The following USP48 variants were observed in gnomAD, a reference collection of about 807,000 sequenced individuals.
USP48 encodes ubiquitin carboxyl-terminal hydrolase 48.
In USP48, 43 loss-of-function variants were observed where a neutral mutation model predicts 150.7. That is an observed-to-expected ratio of 0.29 (90% CI 0.22 to 0.37). The LOEUF is 0.37. Ranked by LOEUF, USP48 falls within the 10% of genes least tolerant of loss-of-function variation. The probability of loss-of-function intolerance (pLI) is 1.00; values close to 1 mark genes in which losing one functional copy is unlikely to be tolerated. For synonymous variants in USP48, 396 were observed against 425.9 expected, an observed-to-expected ratio of 0.93 and a Z score of 0.86; for missense variants, 813 against 1,249.6, an observed-to-expected ratio of 0.65 and a Z score of 5.27.
intron 1 of USP48, among the ~76,000 whole-genome samples, chr1:21,764,807 G>A (rs1244541421): frequency 6.6e-6 from 1 of 151,358 alleles, no homozygotes; most frequent in African/African-American, 2.4e-5. Context: ...TCCCCTCCCA[G>A]AGGTCAGACT....
intron 1 of USP48, among the ~76,000 whole-genome samples, chr1:21,765,391 G>A (rs147364594): frequency 1.5e-3 from 227 of 152,194 alleles, no homozygotes; most frequent in African/African-American, 4.9e-3. Flanking sequence ...CGAGGCAGGC[G>A]GATCACTTGA....
intron 12 of USP48, among the ~76,000 whole-genome samples, chr1:21,723,328 T>C (rs985422273): frequency 2.5e-4 from 38 of 152,168 alleles, no homozygotes; most frequent in African/African-American, 8.7e-4. Context: ...GAGACCAGCC[T>C]GGGCAACACA....
At chr1:21,744,791 AAAAAAAAAAAAT>A (rs1435491111) in intron 8 of USP48, among the ~76,000 whole-genome samples, 1 of 150,832 alleles carries the variant, frequency 6.6e-6, no homozygotes, top group Non-Finnish European at 1.5e-5. Context: ...AAAAAAAAAA[AAAAAAAAAAAAT>A]GCTAAGCTTT....
At chr1:21,762,865 C>CAAAA (rs34834573) in intron 1 of USP48, among the ~76,000 whole-genome samples, 4 of 76,332 alleles carry the variant, frequency 5.2e-5, no homozygotes, top group African/African-American at 1.4e-4. Flanking sequence ...GACTTCATCT[C>CAAAA]AAAAAAAAAA....
chr1:21,780,738 ATTTTTTTTTT>A (rs34071636), intron 1 of USP48, among the ~76,000 whole-genome samples: 1 of 117,452 alleles, frequency 8.5e-6, no homozygotes, highest in East Asian at 2.5e-4. Context: ...AGATAAGATA[ATTTTTTTTTT>A]TTTTTTTTTT....
chr1:21,718,908 G>T (rs1291742813), intron 14 of USP48, among the ~76,000 whole-genome samples: 1 of 152,032 alleles, frequency 6.6e-6, no homozygotes, highest in Non-Finnish European at 1.5e-5. Context: ...CAAATGACAG[G>T]ATACTAGAAC....
chr1:21,752,123 T>A (rs559782479), intron 5 of USP48, among the ~76,000 whole-genome samples: 34 of 152,204 alleles, frequency 2.2e-4, no homozygotes, highest in Non-Finnish European at 4.1e-4. Flanking sequence ...AAGTGCAGTT[T>A]TGTTACATGA....
At chr1:21,734,160 G>A (rs2097763460) in intron 9 of USP48, among the ~76,000 whole-genome samples, 1 of 152,168 alleles carries the variant, frequency 6.6e-6, no homozygotes, top group Non-Finnish European at 1.5e-5. Flanking sequence ...ACACTTTTGG[G>A]AGGCCAAGTG....
chr1:21,742,270 T>C (rs534552286), intron 8 of USP48, among the ~76,000 whole-genome samples: 2 of 152,054 alleles, frequency 1.3e-5, no homozygotes, highest in African/African-American at 2.4e-5. Context: ...CTGGGCACAG[T>C]GGCTCATTCA....
chr1:21,742,530 C>A (rs953907298), intron 8 of USP48, among the ~76,000 whole-genome samples: 2 of 134,698 alleles, frequency 1.5e-5, no homozygotes, highest in Non-Finnish European at 3.1e-5. Flanking sequence ...GGTGACAGAG[C>A]GAGACTCTAT....
chr1:21,777,075 A>G (rs942090061), intron 1 of USP48, among the ~76,000 whole-genome samples: 4 of 151,972 alleles, frequency 2.6e-5, no homozygotes, highest in African/African-American at 9.7e-5. Flanking sequence ...AGATTGCGCC[A>G]CTACACTCAG....
At chr1:21,774,234 G>A (rs1267962939) in intron 1 of USP48, among the ~76,000 whole-genome samples, 1 of 149,302 alleles carries the variant, frequency 6.7e-6, no homozygotes, top group Non-Finnish European at 1.5e-5. Context: ...AGGCAGGTAT[G>A]TATTTGGGGC....
chr1:21,740,775 A>G (rs2097779789), intron 8 of USP48, among the ~76,000 whole-genome samples: 1 of 152,250 alleles, frequency 6.6e-6, no homozygotes, highest in African/African-American at 2.4e-5. Context: ...AAAGAAATAA[A>G]TGATGAAATT....
rs965366310 is a variant in USP48, at chr1:21,725,206, C to T, written c.1451-1111G>A. On this transcript the variant is annotated intron_variant, in intron 11 of 26. Coordinates refer to ENST00000308271, the MANE Select transcript of USP48 (RefSeq NM_032236.8). ...CGAATGTGGCTCCAGAGGAAGAGCA[C>T]AGGACTGTGAGTCGAGGTCACGGTC... is the stretch of plus-strand genomic sequence containing the variant. 11 of 152,208 alleles carry T rather than the reference C, an allele frequency of 7.2e-5. 1 individual carries two copies. Among genetic ancestry groups the T allele is most frequent in the Admixed American group, 5.9e-4 (9 of 15,274 alleles). 9.4% of individuals were successfully genotyped at this position (152,208 alleles called of 1,614,324 possible).
chr1:21,740,695 C>A (rs1243765122), intron 8 of USP48, among the ~76,000 whole-genome samples: 3 of 152,118 alleles, frequency 2.0e-5, no homozygotes, highest in African/African-American at 7.2e-5. Flanking sequence ...GCAACAAAAT[C>A]AAACTGGTGA....
intron 15 of USP48, among the ~76,000 whole-genome samples, chr1:21,710,203 C>A (rs1284771434): frequency 6.6e-6 from 1 of 151,944 alleles, no homozygotes; most frequent in African/African-American, 2.4e-5. Flanking sequence ...CAATACCTCC[C>A]AAAACAAGAT....
intron 1 of USP48, among the ~76,000 whole-genome samples, chr1:21,765,490 G>A (rs1382106297): frequency 1.3e-5 from 2 of 151,960 alleles, no homozygotes; most frequent in Admixed American, 6.6e-5. Context: ...GGTGGCACGC[G>A]CCTGTAGTCC....
chr1:21,753,644 T>C (rs1269830790), intron 3 of USP48, among the ~76,000 whole-genome samples: 2 of 150,836 alleles, frequency 1.3e-5, no homozygotes, highest in Non-Finnish European at 2.9e-5. Flanking sequence ...CTGGCCAACA[T>C]GGTAAAACCC....
chr1:21,778,601 TAAAAA>T (rs35911894), intron 1 of USP48, among the ~76,000 whole-genome samples: 1 of 88,908 alleles, frequency 1.1e-5, no homozygotes, highest in Admixed American at 1.5e-4. Context: ...ACCCTCATCT[TAAAAA>T]AAAAAAAAAA....
Sources: allele counts gnomAD v4.1 joint callset (sites outside exome capture counted in the v4.1 genomes callset), GRCh38; gene constraint gnomAD v4.1.1; transcripts MANE v1.5; gene names NCBI Gene and HGNC (gene_info 2026-07-23, HGNC 2026-07-21).